CHUK: variants seen among roughly 807,000 people sequenced by gnomAD.
The protein encoded by CHUK is inhibitor of nuclear factor kappa-B kinase subunit alpha.
Under a neutral mutation model 104.8 loss-of-function variants are expected in CHUK, and 35 were observed. The ratio of observed to expected loss-of-function variants is 0.33; its 90% confidence interval spans 0.26 to 0.44. The LOEUF (loss-of-function observed/expected upper bound fraction) is 0.44. Ranked by LOEUF, CHUK falls within the 20% of genes least tolerant of loss-of-function variation. CHUK has a pLI of 1.00. For synonymous variants in CHUK, 276 were observed against 291.9 expected (o/e 0.95, Z 0.56); for missense variants, 663 against 902.7 (o/e 0.73, Z 3.40).
rs999062572 is a variant in CHUK at position 100,188,479 on chromosome 10, C to T, written c.*1119G>A. 6 of 152,504 alleles carry T rather than the reference C, an allele frequency of 3.9e-5. No individual in the cohort carries two copies. The highest frequency in any genetic ancestry group is 9.7e-5 in the African/African-American group (4 of 41,376). The allele number at this position is 152,504 out of a possible 1,614,324, so 9.4% of individuals were successfully genotyped here. On this transcript the variant is annotated 3_prime_UTR_variant, in exon 21 of 21. Transcript: ENST00000370397. ...AATTACTTAGCAGATGATAGAGGTC[C>T]ACAGTCCTTTCTCTGAAACCCTTGG...
At chr10:100,225,702 T>C (rs1428924629) in intron 2 of CHUK, among the ~76,000 whole-genome samples, 1 of 152,236 alleles carries the variant, frequency 6.6e-6, no homozygotes, top group Non-Finnish European at 1.5e-5. Flanking sequence ...TGCACAATTT[T>C]ACATTCCCAC....
intron 1 of CHUK, among the ~76,000 whole-genome samples, chr10:100,227,680 T>C (rs1288671925): frequency 2.0e-5 from 3 of 152,148 alleles, no homozygotes; most frequent in African/African-American, 7.2e-5. Context: ...TTTTCTCCTA[T>C]GCCCTATCTA....
intron 9 of CHUK, 87 bp downstream of exon 9, chr10:100,217,908 G>T: frequency 1.6e-6 from 2 of 1,274,668 alleles, no homozygotes; most frequent in South Asian, 2.4e-5. Context: ...AACAGGAAAA[G>T]ATTATTAAAC....
intron 9 of CHUK, among the ~76,000 whole-genome samples, chr10:100,215,214 CAAAAAA>C (rs913817319): frequency 1.9e-5 from 1 of 51,586 alleles, no homozygotes; most frequent in Non-Finnish European, 4.8e-5. Context: ...GGCTCCATAT[CAAAAAA>C]AAAAAAAAAA....
intron 18 of CHUK, 65 bp from the exon 19 acceptor site, chr10:100,193,496 C>G: frequency 6.3e-7 from 1 of 1,579,832 alleles, no homozygotes; most frequent in South Asian, 1.1e-5. Context: ...CACACAATTT[C>G]TTATCATATT....
chr10:100,229,291 C>G (rs1846180699), intron 1 of CHUK, 137 bp downstream of exon 1: 1 of 712,794 alleles, frequency 1.4e-6, no homozygotes, highest in African/African-American at 1.7e-5. Context: ...AATACACACA[C>G]ACAAGCCCAC....
At chr10:100,229,273 T>G (rs1011308656) in intron 1 of CHUK, among the ~76,000 whole-genome samples, 155 bp downstream of exon 1, 7 of 151,976 alleles carry the variant, frequency 4.6e-5, no homozygotes, top group African/African-American at 7.2e-5. Context: ...CATAGTATCT[T>G]TCTCTCTAAT....
chr10:100,210,110 C>T (rs1384247855), intron 9 of CHUK, among the ~76,000 whole-genome samples: 42 of 122,110 alleles, frequency 3.4e-4, no homozygotes, highest in Admixed American at 1.2e-3. Flanking sequence ...TTTTTTGAGA[C>T]GGAGTCTCGC....
chr10:100,224,086 A>ACTCTCT (rs3884083), intron 2 of CHUK, among the ~76,000 whole-genome samples: 5,094 of 148,262 alleles, frequency 0.034, 222 homozygotes, highest in African/African-American at 0.1. Context: ...TCGCTCGTTC[A>ACTCTCT]CTCTCTCTCT....
At chr10:100,209,496 GC>G (rs1845671168) in intron 10 of CHUK, 98 bp downstream of exon 10, 5 of 749,834 alleles carry the variant, frequency 6.7e-6, no homozygotes, top group Non-Finnish European at 7.1e-6. Flanking sequence ...AACAAAATGT[GC>G]GGCCTCCCAA....
At chr10:100,192,654 T>G in intron 19 of CHUK, 1 of 986,804 alleles carries the variant, frequency 1.0e-6, no homozygotes, top group Non-Finnish European at 1.2e-6. Flanking sequence ...ATACACAAGC[T>G]AGCAAAGAGC....
At chr10:100,219,741 G>A (rs1006609889) in intron 5 of CHUK, among the ~76,000 whole-genome samples, 4 of 151,930 alleles carry the variant, frequency 2.6e-5, no homozygotes, top group Admixed American at 2.0e-4. Context: ...GTAAAGGCAA[G>A]GGTGACTTCC....
intron 9 of CHUK, among the ~76,000 whole-genome samples, chr10:100,210,156 C>T (rs1410336247): frequency 6.8e-6 from 1 of 146,878 alleles, no homozygotes; most frequent in Non-Finnish European, 1.5e-5. Flanking sequence ...GGCGGGATCT[C>T]GGCTCACTGC....
chr10:100,199,807 A>G (rs555117629), intron 16 of CHUK, among the ~76,000 whole-genome samples, 164 bp downstream of exon 16: 38 of 152,100 alleles, frequency 2.5e-4, no homozygotes, highest in Admixed American at 2.1e-3. Context: ...AATTCTCACA[A>G]TCTTAAAGCT....
intron 19 of CHUK, chr10:100,192,332 A>G (rs1349808810): frequency 1.3e-5 from 2 of 152,258 alleles, no homozygotes; most frequent in East Asian, 3.8e-4. Context: ...TTACTGGAGT[A>G]TTTTGTAAAG....
chr10:100,215,494 A>G (rs1468697019), intron 9 of CHUK, among the ~76,000 whole-genome samples: 10 of 152,004 alleles, frequency 6.6e-5, no homozygotes, highest in Non-Finnish European at 1.5e-4. Flanking sequence ...GACTCAGAAT[A>G]TAGTTACATT....
chr10:100,189,983 A>G lies in CHUK; in HGVS notation c.2209-356T>C, dbSNP rs1188473249. 3 of 202,320 alleles carry G rather than the reference A, an allele frequency of 1.5e-5. No individual in the cohort carries two copies. The Admixed American group carries it at 1.7e-4, about 11-fold the overall frequency. The allele number at this position is 202,320 out of a possible 1,614,324, so 12.5% of individuals were successfully genotyped here. Reference sequence around the variant, plus strand: ...TGCCTCAGCCTCCCTAGTAACTCGGACTACAGGTACATGTCATATGGCTGG... The same window carrying G: ...TGCCTCAGCCTCCCTAGTAACTCGGGCTACAGGTACATGTCATATGGCTGG... On this transcript the variant is annotated intron_variant, in intron 20 of 20. Coordinates refer to ENST00000370397, the MANE Select transcript of CHUK (RefSeq NM_001278.5).
intron 19 of CHUK, among the ~76,000 whole-genome samples, chr10:100,191,753 A>G (rs1361640230): frequency 6.6e-6 from 1 of 152,240 alleles, no homozygotes; most frequent in Non-Finnish European, 1.5e-5. Flanking sequence ...TGGAAAAATT[A>G]TGGTCAAACA....
chr10:100,213,023 GA>G (rs1845765787), intron 9 of CHUK, among the ~76,000 whole-genome samples: 1 of 143,294 alleles, frequency 7.0e-6, no homozygotes, highest in East Asian at 2.0e-4. Flanking sequence ...AAAGAAAGAA[GA>G]AAAAGAAAAA....
Sources: gnomAD v4.1 joint callset for allele counts (sites outside exome capture counted in the v4.1 genomes callset) on GRCh38, gnomAD v4.1.1 for gene constraint, MANE v1.5 for transcripts, NCBI Gene and HGNC (gene_info 2026-07-23, HGNC 2026-07-21) for gene names.